Variants in RBM22 observed in about 807,000 individuals in gnomAD.
RBM22 encodes the protein pre-mRNA-splicing factor RBM22.
A neutral mutation model predicts 50.1 loss-of-function variants in RBM22; 1 was observed. The observed-to-expected ratio is 0.02, with a 90% CI of 0.01 to 0.09. RBM22 has a LOEUF of 0.09. Among genes scored for constraint, RBM22 ranks in the 10% least tolerant of loss-of-function variants. The pLI, the probability that RBM22 is intolerant of heterozygous loss-of-function variation, is 1.00. For missense variants in RBM22, 264 were observed against 529.3 expected, an observed-to-expected ratio of 0.50 and a Z score of 4.92; for synonymous variants, 152 against 179.0, an observed-to-expected ratio of 0.85 and a Z score of 1.20.
chr5:150,692,793 A>G, intron 10 of RBM22, 102 bp downstream of exon 10: 2 of 1,307,886 alleles, frequency 1.5e-6, no homozygotes, highest in Non-Finnish European at 2.1e-6. Flanking sequence ...ACTTCTACAG[A>G]GCAAACTCAC....
chr5:150,698,702 C>T (rs41290549), intron 3 of RBM22, 71 bp from the exon 4 acceptor site: 18,389 of 1,545,412 alleles, frequency 0.012, 142 homozygotes, highest in Middle Eastern at 0.035. Flanking sequence ...CTGATAACAA[C>T]GGGGCATTCA....
In RBM22 at chr5:150,696,770, A is replaced by G; in HGVS notation, c.372+21T>C. ...ACTGTGTCAATTCATTAGGATTTTT[A>G]TCCAAAAAGTGGCAGCATACCTCTC... On this transcript the variant is annotated intron_variant, in intron 5 of 10. Coordinates refer to ENST00000199814, the MANE Select transcript of RBM22 (RefSeq NM_018047.3). The surrounding 1 kb of genome is among the most constrained non-coding windows in gnomAD (Gnocchi z 4.3). 3 of 1,613,854 alleles carry G rather than the reference A, an allele frequency of 1.9e-6. No individual in the cohort carries two copies. Among genetic ancestry groups the G allele is most frequent in the Non-Finnish European group, 2.5e-6 (3 of 1,179,704 alleles).
At chr5:150,699,423 A>G in intron 2 of RBM22, 152 bp from the exon 3 acceptor site, 3 of 1,044,106 alleles carry the variant, frequency 2.9e-6, no homozygotes, top group South Asian at 1.9e-5. Context: ...CCAAAACCCA[A>G]CCTTTTTTGG....
intron 4 of RBM22, 115 bp from the exon 5 acceptor site, chr5:150,697,006 G>T (rs192669869): frequency 2.1e-6 from 2 of 960,154 alleles, no homozygotes; most frequent in Non-Finnish European, 3.2e-6. Context: ...TAGTACCAGA[G>T]ACTTTACTAT....
Position 150,696,156 on chromosome 5 carries a change from CT to C in RBM22, c.545+376del, listed in dbSNP as rs1262731429. On this transcript the variant is annotated intron_variant, in intron 6 of 10. Transcript: ENST00000199814. The surrounding 1 kb of genome is among the most constrained non-coding windows in gnomAD (Gnocchi z 4.3). Reference sequence around the variant, plus strand: ...GGGTTAACCAATCCCAAATTAAGAACTCCTAATCCAGATGCTTGGCAGTCTT... The same window carrying C: ...GGGTTAACCAATCCCAAATTAAGAACCCTAATCCAGATGCTTGGCAGTCTT... Among the ~76,000 whole-genome samples the C allele has an allele frequency of 1.3e-5, 2 of 151,750 alleles. No homozygotes were observed. Among genetic ancestry groups the C allele is most frequent in the Non-Finnish European group, 2.9e-5 (2 of 67,978 alleles).
rs1276752770 is a variant in RBM22 at position 150,691,888 on chromosome 5, A to T, written c.1133-7T>A. 1.3e-6 allele frequency: 2 copies of T among 1,561,822 alleles called. No individual in the cohort carries two copies. The highest frequency in any genetic ancestry group is 4.7e-5 in the East Asian group (2 of 42,890). On this transcript the variant is annotated splice_region_variant and splice_polypyrimidine_tract_variant and intron_variant, in intron 10 of 10. Coordinates refer to ENST00000199814, the MANE Select transcript of RBM22 (RefSeq NM_018047.3). ...AACATGTGTGGCCCAAAACCTGCAG[A>T]TACGAGAGAACAAATGTGTTAGGCT...
intron 4 of RBM22, among the ~76,000 whole-genome samples, chr5:150,697,227 G>C (rs576315360): frequency 7.9e-5 from 12 of 152,100 alleles, no homozygotes; most frequent in Non-Finnish European, 1.3e-4. Context: ...TTCGAGACCA[G>C]CCTGGTCAAC....
intron 4 of RBM22, 65 bp downstream of exon 4, chr5:150,698,434 A>T: frequency 1.3e-6 from 2 of 1,569,630 alleles, no homozygotes; most frequent in Non-Finnish European, 1.7e-6. Flanking sequence ...AGTGGGAGAC[A>T]AAAGACTGAC....
Position 150,695,487 on chromosome 5 carries a change from C to CT in RBM22, c.746+18dup. Reference sequence around the variant, plus strand: ...GGCAGTTAAAGGCAAAAATAACTCTCTAACTTATACCCACAAACCTTAAAT... The same window carrying CT: ...GGCAGTTAAAGGCAAAAATAACTCTCTTAACTTATACCCACAAACCTTAAAT... On this transcript the variant is annotated intron_variant, in intron 7 of 10. Coordinates refer to ENST00000199814, the MANE Select transcript of RBM22 (RefSeq NM_018047.3). 6.3e-7 allele frequency: 1 copy of CT among 1,588,114 alleles called. No homozygotes were observed. The highest frequency in any genetic ancestry group is 1.1e-5 in the South Asian group (1 of 89,366).
intron 1 of RBM22, 109 bp from the exon 2 acceptor site, chr5:150,700,606 G>T (rs1759333232): frequency 1.9e-6 from 3 of 1,569,236 alleles, no homozygotes; most frequent in South Asian, 2.3e-5. Context: ...AACTAGGCAC[G>T]GCAGGAACCC....
chr5:150,698,569 C>T lies in RBM22; in HGVS notation c.201G>A (p.Lys67=). 2 of 1,614,170 alleles carry T rather than the reference C, an allele frequency of 1.2e-6. No homozygotes were observed. Among genetic ancestry groups the T allele is most frequent in the Admixed American group, 1.7e-5 (1 of 60,026 alleles). The change falls in exon 4 of 11, where the codon AAG becomes AAA. Residue 67 remains lysine (K), a synonymous_variant. Coordinates refer to ENST00000199814, the MANE Select transcript of RBM22 (RefSeq NM_018047.3). ...TACTGCAGGTTTGGCACACTTCAGT[C>T]TTCTTGAAACGCATGCGGACTCCAG... ...WCPGVRMRFK[K]TEVCQTCSKL...
rs774316871 is a variant in RBM22, at chr5:150,701,035, C to G, written c.-50G>C. On this transcript the variant is annotated 5_prime_UTR_variant, in exon 1 of 11. Transcript: ENST00000199814. ...TAGCTTCCGAATTGGGAGAGAGGAC[C>G]GCCACAATCCCGTCAAGCCCCGAGG... The G allele has an allele frequency of 6.2e-7, 1 of 1,611,308 alleles. No homozygotes were observed. Among genetic ancestry groups the G allele is most frequent in the African/African-American group, 1.3e-5 (1 of 74,964 alleles).
In RBM22 at chr5:150,691,734, A is replaced by G; in HGVS notation, c.*17T>C. On this transcript the variant is annotated 3_prime_UTR_variant, in exon 11 of 11. Transcript: ENST00000199814. ...AGTGCCCTTTCTTCCACAGAGCCCC[A>G]GAGTGGTGACAAGGTGCTAGGGGCT... The G allele has an allele frequency of 6.5e-7, 1 of 1,532,492 alleles. No individual in the cohort carries two copies. Among genetic ancestry groups the G allele is most frequent in the Non-Finnish European group, 8.8e-7 (1 of 1,139,312 alleles). The allele number at this position is 1,532,492 out of a possible 1,614,324, so 94.9% of individuals were successfully genotyped here.
rs142830487 is a variant in RBM22 at position 150,694,372 on chromosome 5, G to A, written c.747-132C>T. 5.3e-4 allele frequency: 733 copies of A among 1,382,166 alleles called. No individual in the cohort carries two copies. The Middle Eastern group carries it at 5.3e-3, about 10-fold the overall frequency. The allele number at this position is 1,382,166 out of a possible 1,614,324, so 85.6% of individuals were successfully genotyped here. On this transcript the variant is annotated intron_variant, in intron 7 of 10. Coordinates refer to ENST00000199814, the MANE Select transcript of RBM22 (RefSeq NM_018047.3). The stretch of plus-strand genomic sequence containing the variant: ...CCCAAGGTTATCTGCCTAACTACCC[G>A]CAGGTCTCCACCCCATATCTTGTCC...
Position 150,690,948 on chromosome 5 carries a change from TCA to T in RBM22, c.*801_*802del, listed in dbSNP as rs996058712. 2 of 152,276 alleles carry T rather than the reference TCA, an allele frequency of 1.3e-5. No individual in the cohort carries two copies. The highest frequency in any genetic ancestry group is 4.8e-5 in the African/African-American group (2 of 41,402). 9.4% of individuals were successfully genotyped at this position (152,276 alleles called of 1,614,324 possible). On this transcript the variant is annotated 3_prime_UTR_variant, in exon 11 of 11. Coordinates refer to ENST00000199814, the MANE Select transcript of RBM22 (RefSeq NM_018047.3). ...ACACGAAGGTGAATGCTGAAGACCA[TCA>T]GAGTCCCAGCAGGAGGTCACGTCTT... is the stretch of plus-strand genomic sequence containing the variant.
At chr5:150,698,402 C>G in intron 4 of RBM22, 97 bp downstream of exon 4, 1 of 1,442,760 alleles carries the variant, frequency 6.9e-7, no homozygotes, top group East Asian at 2.3e-5. Flanking sequence ...AAAGTGAAAT[C>G]AGAACCAGAG....
Position 150,696,526 on chromosome 5 carries a change from C to G in RBM22, c.545+7G>C. 1 of 1,609,778 alleles carries G rather than the reference C, an allele frequency of 6.2e-7. No homozygotes were observed. The highest frequency in any genetic ancestry group is 1.1e-5 in the South Asian group (1 of 90,684). On this transcript the variant is annotated splice_region_variant and intron_variant, in intron 6 of 10. Transcript: ENST00000199814. This position sits in a 1 kb window ranked among gnomAD's most constrained non-coding sequence, Gnocchi z 4.3. ...AAGCAAATACTGAAAATGAGGCTCG[C>G]TCTTGCCTGTATGGACATTCCTCTC...
chr5:150,695,987 C>T (rs1027559326), intron 6 of RBM22, among the ~76,000 whole-genome samples: 5 of 148,634 alleles, frequency 3.4e-5, no homozygotes, highest in African/African-American at 1.2e-4. Context: ...CCACCCCCTC[C>T]CGCCCCCCAG....
At position 150,691,943 on chromosome 5, in the gene RBM22, C is replaced by G. The variant is rs114929895; in HGVS notation, c.1133-62G>C. 6.7e-3 allele frequency: 9,435 copies of G among 1,407,484 alleles called. 42 individuals carry two copies. Among genetic ancestry groups the G allele is most frequent in the Non-Finnish European group, 8.2e-3 (8,786 of 1,068,962 alleles). 87.2% of individuals were successfully genotyped at this position (1,407,484 alleles called of 1,614,324 possible). Reference sequence around the variant, plus strand: ...GTTTCCTTGATAACCTTTCAAACCTCTCAATCTTGCTAAGGTTAAAACCAC... The same window carrying G: ...GTTTCCTTGATAACCTTTCAAACCTGTCAATCTTGCTAAGGTTAAAACCAC... On this transcript the variant is annotated intron_variant, in intron 10 of 10. Transcript: ENST00000199814.
Sources: allele counts gnomAD v4.1 joint callset (sites outside exome capture counted in the v4.1 genomes callset), GRCh38; gene constraint gnomAD v4.1.1; non-coding constraint Gnocchi (gnomAD v3.1); transcripts MANE v1.5; gene names NCBI Gene and HGNC (gene_info 2026-07-23, HGNC 2026-07-21).